Variants in NRXN3 observed in about 807,000 individuals in gnomAD.
NRXN3 encodes the protein neurexin 3.
A neutral mutation model predicts 137.6 loss-of-function variants in NRXN3; 32 were observed. The ratio of observed to expected loss-of-function variants is 0.23; its 90% CI spans 0.18 to 0.31. The LOEUF is 0.31. Among genes scored for constraint, NRXN3 ranks in the 10% least tolerant of loss-of-function variants. The pLI, the probability that NRXN3 is intolerant of heterozygous loss-of-function variation, is 1.00. For missense variants in NRXN3, 1,574 were observed against 2,062.5 expected, an observed-to-expected ratio of 0.76 and a Z score of 4.59; for synonymous variants, 798 against 784.5, an observed-to-expected ratio of 1.02 and a Z score of -0.29.
chr14:79,727,042 A>G (rs2154068705), intron 19 of NRXN3, among the ~76,000 whole-genome samples: 1 of 152,336 alleles, frequency 6.6e-6, no homozygotes, highest in African/African-American at 2.4e-5. Context: ...GGTGTTCAGT[A>G]AATGTTGCTG....
chr14:78,539,994 T>C (rs892347479), intron 4 of NRXN3, among the ~76,000 whole-genome samples: 1 of 152,222 alleles, frequency 6.6e-6, no homozygotes, highest in African/African-American at 2.4e-5. Flanking sequence ...ATTTCTGTTC[T>C]TTTACATTTG....
intron 15 of NRXN3, among the ~76,000 whole-genome samples, chr14:79,397,320 CT>C (rs1228000479): frequency 6.6e-6 from 1 of 152,164 alleles, no homozygotes; most frequent in Non-Finnish European, 1.5e-5. Context: ...GTTTGTCAGA[CT>C]GTCTGATGTT....
chr14:79,426,214 C>T (rs1163996049), intron 15 of NRXN3, among the ~76,000 whole-genome samples: 2 of 152,140 alleles, frequency 1.3e-5, no homozygotes, highest in African/African-American at 4.8e-5. Context: ...GATGACACAA[C>T]CTCCTTTCAC....
intron 16 of NRXN3, among the ~76,000 whole-genome samples, chr14:79,470,824 A>G (rs2096490025): frequency 6.6e-6 from 1 of 151,808 alleles, no homozygotes; most frequent in South Asian, 2.1e-4. Flanking sequence ...TTGGTCAAAA[A>G]CAAAGTACAA....
At chr14:78,351,489 C>T (rs1013649069) in intron 4 of NRXN3, among the ~76,000 whole-genome samples, 2 of 152,128 alleles carry the variant, frequency 1.3e-5, no homozygotes, top group African/African-American at 2.4e-5. Context: ...CCAACACTTG[C>T]TATTATGGGC....
intron 5 of NRXN3, among the ~76,000 whole-genome samples, chr14:78,648,134 A>G (rs552699339): frequency 6.6e-6 from 1 of 152,348 alleles, no homozygotes; most frequent in South Asian, 2.1e-4. Flanking sequence ...AATTAAAGGA[A>G]GGAATGTGGA....
intron 4 of NRXN3, among the ~76,000 whole-genome samples, chr14:78,624,765 G>A (rs1043682126): frequency 1.3e-5 from 2 of 152,118 alleles, no homozygotes; most frequent in Non-Finnish European, 2.9e-5. Flanking sequence ...GGCTAGCTTT[G>A]TAACCCAGTC....
chr14:78,334,103 G>T (rs1177336004), intron 4 of NRXN3, among the ~76,000 whole-genome samples: 2 of 152,174 alleles, frequency 1.3e-5, no homozygotes, highest in African/African-American at 4.8e-5. Flanking sequence ...GCAAGATGGG[G>T]AAGACTGGAG....
intron 15 of NRXN3, among the ~76,000 whole-genome samples, chr14:79,111,943 G>A (rs2053603668): frequency 6.6e-6 from 1 of 152,102 alleles, no homozygotes; most frequent in South Asian, 2.1e-4. Flanking sequence ...TCCATAATAG[G>A]AAAGGAATCC....
intron 15 of NRXN3, among the ~76,000 whole-genome samples, chr14:79,364,735 A>G (rs1290220512): frequency 6.6e-6 from 1 of 152,218 alleles, no homozygotes; most frequent in East Asian, 1.9e-4. Context: ...TATAAGTTGA[A>G]CATCTCATTA....
chr14:79,632,918 T>C (rs1337841454), intron 16 of NRXN3, among the ~76,000 whole-genome samples: 1 of 152,184 alleles, frequency 6.6e-6, no homozygotes, highest in South Asian at 2.1e-4. Context: ...TTGTGTTCTA[T>C]GTGTCCGTCA....
At chr14:79,508,390 A>ATTTTTTT (rs528502246) in intron 16 of NRXN3, among the ~76,000 whole-genome samples, 4,063 of 48,202 alleles carry the variant, frequency 0.084, 1,123 homozygotes, top group African/African-American at 0.23. Flanking sequence ...ACAATAACTG[A>ATTTTTTT]TTTTTTTTTT....
At chr14:78,521,677 A>G (rs553402413) in intron 4 of NRXN3, among the ~76,000 whole-genome samples, 4 of 152,308 alleles carry the variant, frequency 2.6e-5, no homozygotes, top group African/African-American at 7.2e-5. Context: ...TTACAAAAAC[A>G]TATAAAAACC....
chr14:79,098,773 A>G (rs567518828), intron 15 of NRXN3, among the ~76,000 whole-genome samples: 12 of 152,334 alleles, frequency 7.9e-5, no homozygotes, highest in African/African-American at 2.6e-4. Context: ...CTGACCAGTG[A>G]TAAGACAAGA....
rs148835686 is a variant in NRXN3, at chr14:78,400,643, T to C, written c.757+102783T>C. 1.5e-3 allele frequency among the ~76,000 whole-genome samples: 228 copies of C among 152,320 alleles called. 1 individual carries two copies. Among genetic ancestry groups the C allele is most frequent in the Non-Finnish European group, 2.7e-3 (187 of 68,026 alleles). ...GACTGTGCATGATGCTGTATAGGCA[T>C]TATTAAGTTAAACCTGACAATTCTC... On this transcript the variant is annotated intron_variant, in intron 4 of 20. Coordinates refer to ENST00000335750, the MANE Select transcript of NRXN3 (RefSeq NM_001330195.2).
At chr14:79,095,012 A>T (rs77282250) in intron 15 of NRXN3, among the ~76,000 whole-genome samples, 4,160 of 59,810 alleles carry the variant, frequency 0.07, 200 homozygotes, top group African/African-American at 0.19. Context: ...GTGTGTGTGA[A>T]ATGGGGAAAA....
At chr14:78,636,300 G>T (rs2152551936) in intron 4 of NRXN3, among the ~76,000 whole-genome samples, 1 of 152,200 alleles carries the variant, frequency 6.6e-6, no homozygotes, top group African/African-American at 2.4e-5. Flanking sequence ...CCAGAAAACT[G>T]CAGGCCTTCT....
intron 16 of NRXN3, among the ~76,000 whole-genome samples, chr14:79,482,017 G>A (rs557436403): frequency 6.6e-6 from 1 of 152,204 alleles, no homozygotes; most frequent in South Asian, 2.1e-4. Context: ...CTACAATTAG[G>A]GATGTTCATT....
chr14:79,599,000 G>C (rs941368830), intron 16 of NRXN3, among the ~76,000 whole-genome samples: 2 of 152,138 alleles, frequency 1.3e-5, no homozygotes, highest in Non-Finnish European at 2.9e-5. Flanking sequence ...CTTCTACATT[G>C]CACTCAAGCT....
Sources: allele counts gnomAD v4.1 joint callset (sites outside exome capture counted in the v4.1 genomes callset), GRCh38; gene constraint gnomAD v4.1.1; transcripts MANE v1.5; gene names NCBI Gene and HGNC (gene_info 2026-07-23, HGNC 2026-07-21).